The following UPRT variants were observed in gnomAD, a reference collection of about 807,000 sequenced individuals.
UPRT encodes uracil phosphoribosyltransferase homolog, also known as RP11-311P8.3.
Under a neutral mutation model 22.6 loss-of-function variants are expected in UPRT, and 5 were observed. The observed-to-expected ratio is 0.22, with a 90% confidence interval of 0.12 to 0.47. UPRT has a LOEUF of 0.47. UPRT is among the 20% of genes least tolerant of loss of function. UPRT has a pLI of 0.99. For missense variants in UPRT, 181 were observed against 239.9 expected (o/e 0.75, Z 1.62); for synonymous variants, 77 against 87.7 (o/e 0.88, Z 0.68).
At chrX:75,166,656 C>G (rs1298687906) in intron 3 of UPRT, among the ~76,000 whole-genome samples, 2 of 111,470 alleles carry the variant, frequency 1.8e-5, no homozygotes, top group Admixed American at 9.5e-5. Context: ...TCTATGAATT[C>G]TTTAAAATCT....
rs763940821 is a variant in UPRT at position 75,274,336 on chromosome X, C to T, written c.82C>T (p.Gln28Ter). The change falls in exon 1 of 7, where the codon CAG (glutamine) becomes TAG (stop). Residue 28 changes from glutamine to a stop codon, truncating the protein, a stop_gained. Coordinates refer to ENST00000373383, the MANE Select transcript of UPRT (RefSeq NM_145052.4). LOFTEE classifies it high-confidence loss of function. ...CTCTGCCTCAACCCCAAGTCCCGAG[C>T]AGCTGCGACCTGGCGATCTGATCCT... is the stretch of plus-strand genomic sequence containing the variant. Reference protein sequence around the residue: ...VNSASTPSPEQLRPGDLILDH... With the variant: ...VNSASTPSPE 1 of 1,211,757 alleles carries T rather than the reference C, an allele frequency of 8.3e-7. No individual in the cohort carries two copies. The highest frequency in any genetic ancestry group is 3.0e-5 in the East Asian group (1 of 33,819).
At chrX:75,189,554 G>A (rs2082307534) in intron 4 of UPRT, among the ~76,000 whole-genome samples, 1 of 111,561 alleles carries the variant, frequency 9.0e-6, no homozygotes, top group African/African-American at 3.3e-5. Flanking sequence ...TTTCTGTCCC[G>A]TTGAACTGTC....
intron 4 of UPRT, among the ~76,000 whole-genome samples, chrX:75,242,746 C>T (rs768869571): frequency 9.0e-6 from 1 of 111,166 alleles, no homozygotes; most frequent in East Asian, 2.8e-4. Flanking sequence ...AATATTAATT[C>T]TCTTTTGTCT....
chrX:75,258,156 G>A (rs2147667365), intron 4 of UPRT, among the ~76,000 whole-genome samples: 1 of 108,545 alleles, frequency 9.2e-6, no homozygotes, highest in Non-Finnish European at 1.9e-5. Flanking sequence ...CACAAAACTA[G>A]GTAGCCATTT....
chrX:75,171,839 A>T (rs187828951), intron 4 of UPRT, among the ~76,000 whole-genome samples: 25 of 110,657 alleles, frequency 2.3e-4, no homozygotes, highest in Admixed American at 6.7e-4. Context: ...AACTCTAATG[A>T]TTGTTATTTC....
At chrX:75,284,411 C>G (rs1188122410) in intron 1 of UPRT, among the ~76,000 whole-genome samples, 4 of 111,657 alleles carry the variant, frequency 3.6e-5, no homozygotes, top group African/African-American at 1.3e-4. Flanking sequence ...CTGTTTCATT[C>G]TCATTTGGGT....
At chrX:75,264,367 T>C (rs144908715) in intron 4 of UPRT, among the ~76,000 whole-genome samples, 1,242 of 111,648 alleles carry the variant, frequency 0.011, 19 homozygotes, top group African/African-American at 0.039. Flanking sequence ...TAAGTCTCTT[T>C]GTAGGTCTCT....
chrX:75,215,611 C>T (rs1176253584), intron 4 of UPRT, among the ~76,000 whole-genome samples: 5 of 111,421 alleles, frequency 4.5e-5, no homozygotes, highest in African/African-American at 1.3e-4. Context: ...TATTTGATAA[C>T]CTGGGTGACC....
At chrX:75,168,983 T>C (rs1487724927) in intron 4 of UPRT, among the ~76,000 whole-genome samples, 1 of 112,046 alleles carries the variant, frequency 8.9e-6, no homozygotes, top group African/African-American at 3.2e-5. Context: ...CTTATGCCTT[T>C]GCATCCTTAT....
chrX:75,249,445 G>A (rs2082520128), intron 4 of UPRT, among the ~76,000 whole-genome samples: 1 of 111,505 alleles, frequency 9.0e-6, no homozygotes, highest in African/African-American at 3.3e-5. Context: ...AACCAACAAA[G>A]ATCAAAAGAG....
In UPRT at chrX:75,257,776, A is replaced by T. The variant is rs754628624; in HGVS notation, c.-446-33248A>T. ...AACCCTTTTATGATCCCTTAAAAAA[A>T]AATCTGAGGGATTTGCTTGCAAGAT... On this transcript the variant is annotated intron_variant, in intron 4 of 13. Transcript: ENST00000652605. 2.7e-5 allele frequency among the ~76,000 whole-genome samples: 3 copies of T among 111,541 alleles called. No homozygotes were observed. The South Asian group carries it at 1.2e-3, about 43-fold the overall frequency.
intron 4 of UPRT, among the ~76,000 whole-genome samples, chrX:75,236,956 A>G (rs978233251): frequency 8.9e-6 from 1 of 112,526 alleles, no homozygotes; most frequent in African/African-American, 3.2e-5. Flanking sequence ...ATGGGATCTA[A>G]TTCAACTAAA....
Position 75,274,613 on chromosome X carries a change from G to A in UPRT, c.359G>A (p.Arg120Gln), listed in dbSNP as rs748782249. 1 of 1,201,983 alleles carries A rather than the reference G, an allele frequency of 8.3e-7. No individual in the cohort carries two copies. Reference sequence around the variant, plus strand: ...CTGCTGCCTATGAATGATCAGATACGGGAGCTACAGACCATCATCCGTGAC... The same window carrying A: ...CTGCTGCCTATGAATGATCAGATACAGGAGCTACAGACCATCATCCGTGAC... ...LKLLPMNDQI[R>Q]ELQTIIRDKT... Residue 120 changes from arginine to glutamine, a missense_variant, in exon 1 of 7, where the codon CGG becomes CAG. This residue lies in a region of UPRT where 111 missense variants were observed against 102.8 expected (regional missense o/e 1.08). Coordinates refer to ENST00000373383, the MANE Select transcript of UPRT (RefSeq NM_145052.4).
intron 4 of UPRT, among the ~76,000 whole-genome samples, chrX:75,227,199 T>G (rs895892385): frequency 9.0e-6 from 1 of 111,587 alleles, no homozygotes; most frequent in Non-Finnish European, 1.9e-5. Context: ...TAAACAGATA[T>G]AAACAAACTG....
intron 4 of UPRT, among the ~76,000 whole-genome samples, chrX:75,298,602 C>T (rs1014840036): frequency 8.9e-6 from 1 of 112,176 alleles, no homozygotes; most frequent in Non-Finnish European, 1.9e-5. Context: ...TAATTTTTAA[C>T]ATATAAACAT....
chrX:75,289,889 G>A (rs915201882), intron 1 of UPRT, among the ~76,000 whole-genome samples: 1 of 111,291 alleles, frequency 9.0e-6, no homozygotes, highest in Non-Finnish European at 1.9e-5. Context: ...CTTACCATTG[G>A]CCTTGGGAAT....
intron 4 of UPRT, among the ~76,000 whole-genome samples, chrX:75,173,621 G>A (rs947632789): frequency 8.9e-6 from 1 of 112,717 alleles, no homozygotes; most frequent in Non-Finnish European, 1.9e-5. Context: ...TTGGGTGGTC[G>A]ATGGGACTGG....
At chrX:75,192,429 A>G (rs6647097) in intron 4 of UPRT, among the ~76,000 whole-genome samples, 14,188 of 110,603 alleles carry the variant, frequency 0.13, 1,548 homozygotes, top group East Asian at 0.91. Context: ...AGAAGAATGT[A>G]TATTCCGTTG....
chrX:75,192,224 T>C (rs192807137), intron 4 of UPRT, among the ~76,000 whole-genome samples: 1 of 112,024 alleles, frequency 8.9e-6, no homozygotes, highest in East Asian at 2.8e-4. Flanking sequence ...TACCCAGTAG[T>C]CATTCAGAAG....
Sources: gnomAD v4.1 joint callset for allele counts (sites outside exome capture counted in the v4.1 genomes callset) on GRCh38, gnomAD v4.1.1 for gene constraint, gnomAD v4.1.1 regional missense constraint, MANE v1.5 for transcripts, NCBI Gene and HGNC (gene_info 2026-07-23, HGNC 2026-07-21) for gene names.